MAP2K5: variants seen among roughly 807,000 people sequenced by gnomAD.
MAP2K5 encodes the protein dual specificity mitogen-activated protein kinase kinase 5.
A neutral mutation model predicts 83.1 loss-of-function variants in MAP2K5; 49 were observed. The ratio of observed to expected loss-of-function variants is 0.59; its 90% CI spans 0.47 to 0.75. The LOEUF (loss-of-function observed/expected upper bound fraction) is 0.75, where lower values mean the gene tolerates loss of function less well. MAP2K5 is among the 30% of genes least tolerant of loss of function. The probability of loss-of-function intolerance (pLI) is 0.00; values close to 1 mark genes in which losing one functional copy is unlikely to be tolerated. For synonymous variants in MAP2K5, 202 were observed against 191.8 expected, an observed-to-expected ratio of 1.05 and a Z score of -0.44; for missense variants, 457 against 557.5, an observed-to-expected ratio of 0.82 and a Z score of 1.82.
chr15:67,580,674 C>G, intron 3 of MAP2K5, 80 bp from the exon 4 acceptor site: 4 of 878,096 alleles, frequency 4.6e-6, no homozygotes, highest in Non-Finnish European at 7.7e-6. Context: ...TACAAAAGTA[C>G]TGTGAATTAA....
At chr15:67,687,091 A>G (rs1229507927) in intron 13 of MAP2K5, among the ~76,000 whole-genome samples, 1 of 152,240 alleles carries the variant, frequency 6.6e-6, no homozygotes, top group Non-Finnish European at 1.5e-5. Context: ...TACATTCAAA[A>G]TGGCTGCAGT....
chr15:67,670,852 C>T (rs2087514935), intron 13 of MAP2K5, among the ~76,000 whole-genome samples: 1 of 152,140 alleles, frequency 6.6e-6, no homozygotes, highest in Non-Finnish European at 1.5e-5. Context: ...ATCATTGGCA[C>T]AATTTGAAAC....
chr15:67,801,580 G>A lies in MAP2K5; in HGVS notation c.1243-5066G>A, dbSNP rs968902135. ...GTCTTCCATGGTAGAAGAGTGTCCT[G>A]GGTTTAAACTCTAACTCTGCCACTT... On this transcript the variant is annotated intron_variant, in intron 21 of 21. Transcript: ENST00000178640. This position sits in a 1 kb window ranked among gnomAD's most constrained non-coding sequence, Gnocchi z 4.8. Among the ~76,000 whole-genome samples the A allele has an allele frequency of 1.5e-4, 23 of 152,140 alleles. No individual in the cohort carries two copies. The highest frequency in any genetic ancestry group is 2.4e-5 in the African/African-American group (1 of 41,406).
At chr15:67,633,146 G>A (rs376352666) in intron 9 of MAP2K5, among the ~76,000 whole-genome samples, 1 of 152,190 alleles carries the variant, frequency 6.6e-6, no homozygotes, top group Non-Finnish European at 1.5e-5. Flanking sequence ...TTCTCACTGA[G>A]TGTGGCTCTG....
chr15:67,633,991 A>G (rs1206981027), intron 9 of MAP2K5, among the ~76,000 whole-genome samples: 1 of 152,204 alleles, frequency 6.6e-6, no homozygotes, highest in East Asian at 1.9e-4. Flanking sequence ...CCCTTCCTAT[A>G]ACTTAAATTG....
chr15:67,585,072 G>T, intron 4 of MAP2K5, among the ~76,000 whole-genome samples: 1 of 39,132 alleles, frequency 2.6e-5, no homozygotes, highest in Non-Finnish European at 5.2e-5. Context: ...ATCTGAGAGA[G>T]GAGCAAAAAA....
intron 17 of MAP2K5, among the ~76,000 whole-genome samples, chr15:67,733,928 T>A (rs768754457): frequency 1.4e-4 from 22 of 152,230 alleles, no homozygotes; most frequent in Non-Finnish European, 2.6e-4. Context: ...ATACTACATA[T>A]CAAAGTATGA....
At position 67,764,906 on chromosome 15, in the gene MAP2K5, C is replaced by T. The variant is rs949226878; in HGVS notation, c.1135-4696C>T. Among the ~76,000 whole-genome samples the T allele has an allele frequency of 3.3e-5, 5 of 152,186 alleles. No homozygotes were observed. The highest frequency in any genetic ancestry group is 1.3e-4 in the Admixed American group (2 of 15,272). On this transcript the variant is annotated intron_variant, in intron 19 of 21. Coordinates refer to ENST00000178640, the MANE Select transcript of MAP2K5 (RefSeq NM_145160.3). The surrounding 1 kb of genome is among the most constrained non-coding windows in gnomAD (Gnocchi z 4.9). ...GCAGAGTTCTGCTAAGAATCTAGGCCTCATCTAATTGTTTAAAAATAGTCC... is the reference window on the plus strand; with the variant it reads ...GCAGAGTTCTGCTAAGAATCTAGGCTTCATCTAATTGTTTAAAAATAGTCC...
At chr15:67,726,827 A>G (rs911000139) in intron 16 of MAP2K5, among the ~76,000 whole-genome samples, 2 of 152,208 alleles carry the variant, frequency 1.3e-5, no homozygotes, top group African/African-American at 4.8e-5. Flanking sequence ...TGATGTCAGG[A>G]CTGAGGATTG....
rs1337444293 is a variant in MAP2K5, at chr15:67,565,614, A to G, written c.252+2264A>G. Among the ~76,000 whole-genome samples, 1 of 151,056 alleles carries G rather than the reference A, an allele frequency of 6.6e-6. No homozygotes were observed. Among genetic ancestry groups the G allele is most frequent in the Non-Finnish European group, 1.5e-5 (1 of 67,982 alleles). On this transcript the variant is annotated intron_variant, in intron 3 of 21. Coordinates refer to ENST00000178640, the MANE Select transcript of MAP2K5 (RefSeq NM_145160.3). This position sits in a 1 kb window ranked among gnomAD's most constrained non-coding sequence, Gnocchi z 4.1. ...CTGCACCATGTATTCCTTACAGCAT[A>G]TGCTTATTTTCTCAAATTCAGTGTT...
intron 19 of MAP2K5, among the ~76,000 whole-genome samples, chr15:67,761,113 G>T (rs1211605005): frequency 1.3e-5 from 2 of 151,968 alleles, no homozygotes; most frequent in Non-Finnish European, 2.9e-5. Flanking sequence ...GGAAATGGAA[G>T]CGTCTGGGCC....
rs1275758333 is a variant in MAP2K5, at chr15:67,775,067, C to T, written c.1242+2315C>T. ...ATGTAGGACTGGTGGGCTAGATCAC[C>T]CTTACTCCTGGGTCTGGGCCATGCA... is the stretch of plus-strand genomic sequence containing the variant. On this transcript the variant is annotated intron_variant, in intron 21 of 21. Transcript: ENST00000178640. The surrounding 1 kb of genome is among the most constrained non-coding windows in gnomAD (Gnocchi z 5.3). Among the ~76,000 whole-genome samples, 1 of 152,164 alleles carries T rather than the reference C, an allele frequency of 6.6e-6. No individual in the cohort carries two copies. Among genetic ancestry groups the T allele is most frequent in the Admixed American group, 6.5e-5 (1 of 15,276 alleles).
chr15:67,629,171 A>T (rs1316878203), intron 8 of MAP2K5: 1 of 700,640 alleles, frequency 1.4e-6, no homozygotes, highest in Non-Finnish European at 2.6e-6. Flanking sequence ...AAAAGAGGAG[A>T]GCTAGAGAAG....
In MAP2K5 at chr15:67,627,541, A is replaced by G. The variant is rs62016177; in HGVS notation, c.546-3347A>G. Among the ~76,000 whole-genome samples the G allele has an allele frequency of 3.1e-3, 466 of 152,330 alleles. 3 individuals carry two copies. Among genetic ancestry groups the G allele is most frequent in the Non-Finnish European group, 5.2e-3 (351 of 68,026 alleles). On this transcript the variant is annotated intron_variant, in intron 8 of 21. Transcript: ENST00000178640. ...CTCATATATTTGGATAAGTATATAC[A>G]TATGCTTTATATATGTAGTTTCCTA...
chr15:67,730,532 A>G (rs1000366258), intron 17 of MAP2K5, among the ~76,000 whole-genome samples: 6 of 152,206 alleles, frequency 3.9e-5, no homozygotes, highest in Non-Finnish European at 5.9e-5. Flanking sequence ...TGAAAAGCAA[A>G]CATCCACACT....
At chr15:67,582,125 A>G (rs1212364312) in intron 4 of MAP2K5, among the ~76,000 whole-genome samples, 1 of 145,196 alleles carries the variant, frequency 6.9e-6, no homozygotes, top group Non-Finnish European at 1.5e-5. Flanking sequence ...GCAGTGGTGC[A>G]ATCTCAGCTC....
intron 5 of MAP2K5, 138 bp from the exon 6 acceptor site, chr15:67,586,708 A>G: frequency 1.3e-6 from 1 of 758,296 alleles, no homozygotes; most frequent in Non-Finnish European, 2.4e-6. Flanking sequence ...TATACTGAAT[A>G]GACTCCAACT....
In MAP2K5 at chr15:67,555,502, T is replaced by C. The variant is rs1016425355; in HGVS notation, c.184+5420T>C. ...TGTGGAAATAAATTTGTAAGATAAA[T>C]TCTTAGAGTTGGAACTACTGAGACA... On this transcript the variant is annotated intron_variant, in intron 2 of 21. Transcript: ENST00000178640. This position sits in a 1 kb window ranked among gnomAD's most constrained non-coding sequence, Gnocchi z 5.2. Among the ~76,000 whole-genome samples, 7 of 152,104 alleles carry C rather than the reference T, an allele frequency of 4.6e-5. No homozygotes were observed. Among genetic ancestry groups the C allele is most frequent in the African/African-American group, 1.7e-4 (7 of 41,398 alleles).
chr15:67,774,167 A>ATGTGTGTGTG lies in MAP2K5; in HGVS notation c.1242+1442_1242+1451dup, dbSNP rs10529511. Among the ~76,000 whole-genome samples, 1 of 149,566 alleles carries ATGTGTGTGTG rather than the reference A, an allele frequency of 6.7e-6. No homozygotes were observed. The highest frequency in any genetic ancestry group is 2.5e-5 in the African/African-American group (1 of 40,510). ...CCTTGAAAGCAAGTGATGTGTGTGT[A>ATGTGTGTGTG]TGTGTGTGTGTGTGTGTGTGTGTGT... On this transcript the variant is annotated intron_variant, in intron 21 of 21. Transcript: ENST00000178640. This position sits in a 1 kb window ranked among gnomAD's most constrained non-coding sequence, Gnocchi z 4.9.
Sources: gnomAD v4.1 joint callset for allele counts (sites outside exome capture counted in the v4.1 genomes callset) on GRCh38, gnomAD v4.1.1 for gene constraint, Gnocchi (gnomAD v3.1) non-coding constraint, MANE v1.5 for transcripts, NCBI Gene and HGNC (gene_info 2026-07-23, HGNC 2026-07-21) for gene names.